Variants in MEGF11 observed in about 807,000 individuals in gnomAD.
MEGF11 encodes multiple epidermal growth factor-like domains protein 11.
MEGF11 carries 126 observed loss-of-function variants against 146.6 expected under a neutral mutation model. The ratio of observed to expected loss-of-function variants is 0.86; its 90% confidence interval spans 0.74 to 1.00. The LOEUF is 1.00. Among genes scored for constraint, MEGF11 ranks in the 50% least tolerant of loss-of-function variants. The pLI, the probability that MEGF11 is intolerant of heterozygous loss-of-function variation, is 0.00. For synonymous variants in MEGF11, 532 were observed against 583.4 expected, an observed-to-expected ratio of 0.91 and a Z score of 1.27; for missense variants, 1,509 against 1,521.2, an observed-to-expected ratio of 0.99 and a Z score of 0.13.
At chr15:66,072,106 G>T (rs887063330) in intron 5 of MEGF11, among the ~76,000 whole-genome samples, 8 of 152,206 alleles carry the variant, frequency 5.3e-5, no homozygotes, top group Non-Finnish European at 1.2e-4. Context: ...CTGCCCTATA[G>T]TTCCTTGCAT....
At chr15:65,903,532 G>A (rs929292186) in intron 24 of MEGF11, among the ~76,000 whole-genome samples, 6 of 152,292 alleles carry the variant, frequency 3.9e-5, no homozygotes, top group East Asian at 3.9e-4. Context: ...CAGCCCCATC[G>A]TTTTATAGTG....
At chr15:66,138,652 C>T (rs2089003131) in intron 1 of MEGF11, among the ~76,000 whole-genome samples, 1 of 152,180 alleles carries the variant, frequency 6.6e-6, no homozygotes, top group African/African-American at 2.4e-5. Context: ...CAGGAGGTTT[C>T]TGAGTCCTAA....
intron 5 of MEGF11, among the ~76,000 whole-genome samples, chr15:66,012,166 C>G (rs1303271557): frequency 6.6e-6 from 1 of 152,148 alleles, no homozygotes; most frequent in Admixed American, 6.5e-5. Context: ...TGAGACCAAC[C>G]TGGGCAACAT....
At chr15:66,167,793 A>G (rs1597131892) in intron 1 of MEGF11, among the ~76,000 whole-genome samples, 1 of 152,358 alleles carries the variant, frequency 6.6e-6, no homozygotes, top group East Asian at 1.9e-4. Context: ...CAGGCAGGTC[A>G]AACTGCACTG....
chr15:65,916,867 G>A lies in MEGF11; in HGVS notation c.2176C>T (p.His726Tyr). ...AGTCCAGTCCAGCCAGGGGTGCAGT[G>A]GCAGGCCCCGTCCTCGGCGCTGCAG... ...ASCSAEDGAC[H>Y]CTPGWTGLFC... Residue 726 changes from histidine to tyrosine, a missense_variant, in exon 17 of 26, where the codon CAC becomes TAC. His to Tyr is a moderately conservative substitution (Grantham distance 83). Coordinates refer to ENST00000395614, the MANE Select transcript of MEGF11 (RefSeq NM_001385028.1). 3 of 1,596,680 alleles carry A rather than the reference G, an allele frequency of 1.9e-6. No homozygotes were observed. The highest frequency in any genetic ancestry group is 2.6e-6 in the Non-Finnish European group (3 of 1,170,344).
intron 5 of MEGF11, among the ~76,000 whole-genome samples, chr15:66,018,066 G>A (rs912972130): frequency 3.3e-5 from 5 of 152,214 alleles, no homozygotes; most frequent in African/African-American, 4.8e-5. Context: ...GGGCACTGGG[G>A]CACCAACATG....
intron 25 of MEGF11, chr15:65,898,430 G>A (rs2078404539): frequency 2.0e-6 from 2 of 985,356 alleles, no homozygotes; most frequent in Non-Finnish European, 1.2e-6. Context: ...AATGAGATTT[G>A]TATCAACAAT....
At chr15:65,944,691 A>G (rs75765071) in intron 10 of MEGF11, among the ~76,000 whole-genome samples, 9,442 of 152,242 alleles carry the variant, frequency 0.062, 427 homozygotes, top group Non-Finnish European at 0.092. Flanking sequence ...CTGAGAGTCT[A>G]GACTCTGGCA....
At chr15:66,119,278 C>T (rs2087896500) in intron 3 of MEGF11, 92 bp from the exon 4 acceptor site, 1 of 854,722 alleles carries the variant, frequency 1.2e-6, no homozygotes, top group African/African-American at 1.7e-5. Context: ...TTGAGGATGC[C>T]ATTCAATAAT....
At position 66,229,785 on chromosome 15, in the gene MEGF11, G is replaced by A. The variant is rs148571982; in HGVS notation, c.-9+23820C>T. 5.3e-3 allele frequency among the ~76,000 whole-genome samples: 810 copies of A among 152,296 alleles called. 6 individuals carry two copies. Among genetic ancestry groups the A allele is most frequent in the African/African-American group, 0.018 (746 of 41,570 alleles). On this transcript the variant is annotated intron_variant, in intron 1 of 25. Coordinates refer to ENST00000395614, the MANE Select transcript of MEGF11 (RefSeq NM_001385028.1). The stretch of plus-strand genomic sequence containing the variant: ...GGGGAGCAGCTGGGTGGAGGCCCCA[G>A]GACAAGGACACAGAGCTGGCCAAGA...
At chr15:65,972,245 G>A (rs1567183514) in intron 7 of MEGF11, among the ~76,000 whole-genome samples, 5 of 152,018 alleles carry the variant, frequency 3.3e-5, no homozygotes. Context: ...GTAAATTGAT[G>A]GAAAATATAA....
At chr15:65,985,868 T>C (rs1480498174) in intron 5 of MEGF11, among the ~76,000 whole-genome samples, 1 of 152,000 alleles carries the variant, frequency 6.6e-6, no homozygotes, top group East Asian at 1.9e-4. Context: ...AACACAATTC[T>C]ATTAAGCCTG....
At chr15:66,007,243 T>C (rs563744728) in intron 5 of MEGF11, among the ~76,000 whole-genome samples, 1 of 152,350 alleles carries the variant, frequency 6.6e-6, no homozygotes, top group Non-Finnish European at 1.5e-5. Context: ...ATGAGGCTTA[T>C]GCAATGTTTA....
chr15:66,015,414 T>TA (rs1804681379), intron 5 of MEGF11, among the ~76,000 whole-genome samples: 1 of 152,258 alleles, frequency 6.6e-6, no homozygotes, highest in Admixed American at 6.5e-5. Context: ...TGTTGAATGT[T>TA]AATCATTCAT....
intron 1 of MEGF11, among the ~76,000 whole-genome samples, chr15:66,201,396 G>C (rs906139530): frequency 4.6e-5 from 7 of 152,106 alleles, no homozygotes; most frequent in African/African-American, 1.7e-4. Flanking sequence ...GAAGATTGTT[G>C]GGGTAGGGAG....
At chr15:66,060,625 C>G (rs932016175) in intron 5 of MEGF11, among the ~76,000 whole-genome samples, 2 of 152,204 alleles carry the variant, frequency 1.3e-5, no homozygotes, top group Non-Finnish European at 2.9e-5. Context: ...CTGGGACCCC[C>G]CAAGGCACTT....
At chr15:65,926,341 C>T (rs1035469852) in intron 13 of MEGF11, among the ~76,000 whole-genome samples, 2 of 152,200 alleles carry the variant, frequency 1.3e-5, no homozygotes, top group African/African-American at 4.8e-5. Context: ...TAAAGCCTCC[C>T]CCACTTTAAG....
chr15:65,967,784 G>A (rs548277607), intron 8 of MEGF11, among the ~76,000 whole-genome samples: 1 of 152,248 alleles, frequency 6.6e-6, no homozygotes, highest in East Asian at 1.9e-4. Flanking sequence ...GATGCCACTA[G>A]CTCTCCCCTC....
At chr15:66,214,030 CTTTTTT>C (rs11303068) in intron 1 of MEGF11, among the ~76,000 whole-genome samples, 8 of 92,334 alleles carry the variant, frequency 8.7e-5, no homozygotes, top group African/African-American at 4.9e-5. Flanking sequence ...GAGCCGGCCA[CTTTTTT>C]TTTTTTTTTT....
Sources: gnomAD v4.1 joint callset for allele counts (sites outside exome capture counted in the v4.1 genomes callset) on GRCh38, gnomAD v4.1.1 for gene constraint, MANE v1.5 for transcripts, NCBI Gene and HGNC (gene_info 2026-07-23, HGNC 2026-07-21) for gene names.